BBX: variants seen among roughly 807,000 people sequenced by gnomAD.
BBX encodes the protein BBX high mobility group box domain containing, also known as HMG box transcription factor BBX.
Under a neutral mutation model 100.2 loss-of-function variants are expected in BBX, and 30 were observed. The observed-to-expected ratio is 0.30, with a 90% CI of 0.22 to 0.41. BBX has a LOEUF of 0.41. Among genes scored for constraint, BBX ranks in the 10% least tolerant of loss-of-function variants. The probability of loss-of-function intolerance (pLI) is 1.00; values close to 1 mark genes in which losing one functional copy is unlikely to be tolerated. For missense variants in BBX, 1,023 were observed against 1,129.8 expected, an observed-to-expected ratio of 0.91 and a Z score of 1.35; for synonymous variants, 376 against 388.1, an observed-to-expected ratio of 0.97 and a Z score of 0.37.
chr3:107,569,433 T>A (rs2051176882), intron 2 of BBX, among the ~76,000 whole-genome samples: 1 of 152,158 alleles, frequency 6.6e-6, no homozygotes, highest in Non-Finnish European at 1.5e-5. Context: ...AGGCTGTTTA[T>A]TTCACCTGGG....
At position 107,755,738 on chromosome 3, in the gene BBX, TAACA is replaced by T. The variant is rs148091529; in HGVS notation, c.906+61_906+64del. The T allele has an allele frequency of 3.3e-3, 4,558 of 1,401,066 alleles. 125 individuals carry two copies. The African/African-American group carries it at 0.057, about 17-fold the overall frequency. 86.8% of individuals were successfully genotyped at this position (1,401,066 alleles called of 1,614,324 possible). ...CAGAGGTGGAAATTACAAAATATTC[TAACA>T]GTGTTTCCCTAAACTGTACCATCTC... is the stretch of plus-strand genomic sequence containing the variant. On this transcript the variant is annotated intron_variant, in intron 10 of 17. Transcript: ENST00000325805.
chr3:107,744,963 C>T (rs1277073612), intron 8 of BBX, among the ~76,000 whole-genome samples: 1 of 152,124 alleles, frequency 6.6e-6, no homozygotes, highest in Non-Finnish European at 1.5e-5. Flanking sequence ...CTAATTTTTA[C>T]TCATGGATAG....
chr3:107,775,579 C>A (rs1463972873), intron 12 of BBX, among the ~76,000 whole-genome samples: 2 of 152,014 alleles, frequency 1.3e-5, no homozygotes, highest in African/African-American at 4.8e-5. Context: ...GGTTTCTTGT[C>A]GGCTCAATTT....
At chr3:107,593,652 C>T (rs1245193715) in intron 2 of BBX, among the ~76,000 whole-genome samples, 1 of 152,168 alleles carries the variant, frequency 6.6e-6, no homozygotes, top group Non-Finnish European at 1.5e-5. Flanking sequence ...GAGTCATCTG[C>T]TCTCTAAGTG....
intron 4 of BBX, 25 bp downstream of exon 4, chr3:107,710,647 GT>G: frequency 6.4e-7 from 1 of 1,552,534 alleles, no homozygotes; most frequent in Non-Finnish European, 8.7e-7. Context: ...TACCATAGAA[GT>G]TTCAAGTTTA....
chr3:107,611,177 AT>A (rs2054822592), intron 2 of BBX, among the ~76,000 whole-genome samples: 1 of 152,088 alleles, frequency 6.6e-6, no homozygotes, highest in African/African-American at 2.4e-5. Flanking sequence ...TGCTTTTTGT[AT>A]TTATATCTTA....
At chr3:107,764,023 T>G (rs1460862941) in intron 10 of BBX, among the ~76,000 whole-genome samples, 1 of 152,234 alleles carries the variant, frequency 6.6e-6, no homozygotes, top group East Asian at 1.9e-4. Flanking sequence ...GATGGAGTCT[T>G]GCTCTGTCGC....
At chr3:107,605,605 A>G (rs2054375015) in intron 2 of BBX, among the ~76,000 whole-genome samples, 1 of 152,012 alleles carries the variant, frequency 6.6e-6, no homozygotes, top group African/African-American at 2.4e-5. Flanking sequence ...TTCTCCTACC[A>G]CCCTCTCACC....
chr3:107,739,560 C>T (rs529605524), intron 7 of BBX, among the ~76,000 whole-genome samples: 4 of 152,320 alleles, frequency 2.6e-5, no homozygotes, highest in Admixed American at 2.0e-4. Flanking sequence ...ATCACACATC[C>T]TCCGTAAGTC....
intron 2 of BBX, among the ~76,000 whole-genome samples, chr3:107,627,959 T>C (rs1453966846): frequency 6.6e-6 from 1 of 152,074 alleles, no homozygotes; most frequent in Non-Finnish European, 1.5e-5. Context: ...AAGGGAACTA[T>C]AATACTGGAA....
chr3:107,790,642 G>T (rs181612599), intron 14 of BBX, among the ~76,000 whole-genome samples: 17 of 152,090 alleles, frequency 1.1e-4, no homozygotes, highest in African/African-American at 4.1e-4. Flanking sequence ...TCTGTAGGTC[G>T]GGTTTTCTTT....
chr3:107,583,913 T>G (rs1259328598), intron 2 of BBX, among the ~76,000 whole-genome samples: 1 of 104,534 alleles, frequency 9.6e-6, no homozygotes, highest in Non-Finnish European at 1.8e-5. Context: ...AAAGTATAAA[T>G]TATACTTTAT....
chr3:107,626,109 A>G (rs1008869028), intron 2 of BBX, among the ~76,000 whole-genome samples: 3 of 152,178 alleles, frequency 2.0e-5, no homozygotes, highest in Admixed American at 2.0e-4. Context: ...TCGATAATAT[A>G]TTTTCTGTCA....
chr3:107,753,706 G>A (rs531187972), intron 9 of BBX, among the ~76,000 whole-genome samples: 1 of 152,296 alleles, frequency 6.6e-6, no homozygotes, highest in African/African-American at 2.4e-5. Flanking sequence ...CAACAGCAGA[G>A]GGAGCCAGTG....
intron 2 of BBX, among the ~76,000 whole-genome samples, chr3:107,565,443 TTTTATTTA>T (rs80145598): frequency 3.9e-4 from 54 of 136,984 alleles, no homozygotes; most frequent in South Asian, 3.6e-3. Context: ...AATAGTTTTA[TTTTATTTA>T]TTTATTTATT....
chr3:107,657,041 A>C (rs2058183701), intron 3 of BBX: 1 of 152,080 alleles, frequency 6.6e-6, no homozygotes, highest in African/African-American at 2.4e-5. Context: ...AGGTGAGTTT[A>C]CTTTTTTTTC....
intron 2 of BBX, among the ~76,000 whole-genome samples, chr3:107,610,935 C>T (rs2054803134): frequency 6.6e-6 from 1 of 151,506 alleles, no homozygotes; most frequent in Non-Finnish European, 1.5e-5. Flanking sequence ...TTCTTTTTTC[C>T]CTTACTTTTC....
Position 107,724,010 on chromosome 3 carries a change from A to G in BBX, c.406-4755A>G, listed in dbSNP as rs567215701. 1.2e-4 allele frequency among the ~76,000 whole-genome samples: 18 copies of G among 152,304 alleles called. No individual in the cohort carries two copies. The South Asian group carries it at 3.5e-3, about 30-fold the overall frequency. ...CACTGTCTTCCACAATGGATGAACT[A>G]GTTTACAGTCCCACCAACAGTGTAA... On this transcript the variant is annotated intron_variant, in intron 5 of 17. Coordinates refer to ENST00000325805, the MANE Select transcript of BBX (RefSeq NM_001142568.3).
intron 3 of BBX, among the ~76,000 whole-genome samples, chr3:107,664,302 A>C (rs1576240058): frequency 6.6e-6 from 1 of 152,080 alleles, no homozygotes; most frequent in East Asian, 1.9e-4. Context: ...ATTTCCATAG[A>C]ACTTGTTACA....
Sources: gnomAD v4.1 joint callset for allele counts (sites outside exome capture counted in the v4.1 genomes callset) on GRCh38, gnomAD v4.1.1 for gene constraint, MANE v1.5 for transcripts, NCBI Gene and HGNC (gene_info 2026-07-23, HGNC 2026-07-21) for gene names.